Variants in HCLS1 observed in about 807,000 individuals in gnomAD.
HCLS1 encodes hematopoietic lineage cell-specific protein.
In HCLS1, 44 loss-of-function variants were observed where a neutral mutation model predicts 68.6. The ratio of observed to expected loss-of-function variants is 0.64; its 90% CI spans 0.50 to 0.82. The LOEUF (loss-of-function observed/expected upper bound fraction) is 0.82. Ranked by LOEUF, HCLS1 falls within the 40% of genes least tolerant of loss-of-function variation. The probability of loss-of-function intolerance (pLI) is 0.00; values close to 1 mark genes in which losing one functional copy is unlikely to be tolerated. For synonymous variants in HCLS1, 217 were observed against 225.8 expected, an observed-to-expected ratio of 0.96 and a Z score of 0.35; for missense variants, 602 against 612.1, an observed-to-expected ratio of 0.98 and a Z score of 0.17.
chr3:121,651,009 G>A (rs114950876), intron 3 of HCLS1, among the ~76,000 whole-genome samples: 3,734 of 152,160 alleles, frequency 0.025, 141 homozygotes, highest in African/African-American at 0.085. Context: ...GGTGGTGGGC[G>A]CCTGAGTCCC....
intron 3 of HCLS1, among the ~76,000 whole-genome samples, chr3:121,656,491 C>T (rs961410921): frequency 6.6e-6 from 1 of 152,184 alleles, no homozygotes; most frequent in Non-Finnish European, 1.5e-5. Flanking sequence ...GGGGATCTCT[C>T]AGCCTGAATG....
At chr3:121,635,181 ACTTT>A (rs2049137156) in intron 9 of HCLS1, among the ~76,000 whole-genome samples, 1 of 133,392 alleles carries the variant, frequency 7.5e-6, no homozygotes, top group African/African-American at 2.9e-5. Context: ...TATCCACTTG[ACTTT>A]CTCTCTTTCT....
Position 121,635,755 on chromosome 3 carries a change from T to G in HCLS1, c.671A>C (p.Lys224Thr). The G allele has an allele frequency of 6.2e-7, 1 of 1,614,082 alleles. No homozygotes were observed. The highest frequency in any genetic ancestry group is 8.5e-7 in the Non-Finnish European group (1 of 1,179,956). ...CTCACCGGCTTCTATGGGCGTCGTC[T>G]TCTTATAAGCTGTGGTCGGGGCCTC... is the stretch of plus-strand genomic sequence containing the variant. ...EMEAPTTAYK[K>T]TTPIEAASSG... Residue 224 changes from lysine to threonine, a missense_variant, in exon 9 of 14, where the codon AAG becomes ACG. Lys to Thr is a moderately conservative substitution (Grantham distance 78). Coordinates refer to ENST00000314583, the MANE Select transcript of HCLS1 (RefSeq NM_005335.6).
Position 121,631,985 on chromosome 3 carries a change from G to C in HCLS1, c.1325-3C>G. ...AAAGGAAAGCTCATCACTTCCCTCT[G>C]GGGAGAAAGTTGAGGGGATATTAGA... On this transcript the variant is annotated splice_region_variant and splice_polypyrimidine_tract_variant and intron_variant, in intron 13 of 13. Coordinates refer to ENST00000314583, the MANE Select transcript of HCLS1 (RefSeq NM_005335.6). The C allele has an allele frequency of 6.2e-7, 1 of 1,614,168 alleles. No individual in the cohort carries two copies.
intron 3 of HCLS1, chr3:121,656,769 AGCTGAAGTG>A (rs1937883104): frequency 6.6e-6 from 1 of 152,378 alleles, no homozygotes; most frequent in African/African-American, 2.4e-5. Flanking sequence ...CAGTTATGGG[AGCTGAAGTG>A]GCCTCTTTTT....
Position 121,637,232 on chromosome 3 carries a change from C to A in HCLS1, c.479G>T (p.Arg160Leu), listed in dbSNP as rs142478875. ...QKDYSRGFGG[R>L]YGVEKDKWDK... The stretch of plus-strand genomic sequence containing the variant: ...CCATTTATCCTTCTCCACCCCGTAC[C>A]GGCCACCAAAGCCACGAGAGTAATC... The change falls in exon 7 of 14, where the codon CGG becomes CTG. Residue 160 changes from arginine to leucine, a missense_variant. Arg to Leu is a moderately radical substitution (Grantham distance 102). Transcript: ENST00000314583. The A allele has an allele frequency of 6.2e-7, 1 of 1,613,408 alleles. No individual in the cohort carries two copies. The highest frequency in any genetic ancestry group is 8.5e-7 in the Non-Finnish European group (1 of 1,179,596).
rs559143446 is a variant in HCLS1, at chr3:121,634,764, T to A, written c.692-346A>T. Among the ~76,000 whole-genome samples, 195 of 152,242 alleles carry A rather than the reference T, an allele frequency of 1.3e-3. 1 individual carries two copies. Among genetic ancestry groups the A allele is most frequent in the South Asian group, 5.0e-3 (24 of 4,818 alleles). Reference sequence around the variant, plus strand: ...CTCCTACCTCAGCCTCTGGAGTAGTTGGGACCACAGATGTGCACCACCACA... The same window carrying A: ...CTCCTACCTCAGCCTCTGGAGTAGTAGGGACCACAGATGTGCACCACCACA... On this transcript the variant is annotated intron_variant, in intron 9 of 13. Coordinates refer to ENST00000314583, the MANE Select transcript of HCLS1 (RefSeq NM_005335.6).
intron 1 of HCLS1, among the ~76,000 whole-genome samples, chr3:121,659,572 C>T (rs1279868244): frequency 6.6e-6 from 1 of 152,152 alleles, no homozygotes; most frequent in Non-Finnish European, 1.5e-5. Context: ...AAAACCAGCC[C>T]AGGGGAAGTC....
intron 6 of HCLS1, among the ~76,000 whole-genome samples, chr3:121,640,256 G>C (rs1451547353): frequency 3.7e-4 from 56 of 151,400 alleles, no homozygotes; most frequent in Admixed American, 3.7e-3. Flanking sequence ...AATAATAAAG[G>C]AAAAAAAATG....
At chr3:121,646,984 TA>T (rs199784536) in intron 4 of HCLS1, among the ~76,000 whole-genome samples, 35 of 146,068 alleles carry the variant, frequency 2.4e-4, no homozygotes, top group South Asian at 6.4e-4. Flanking sequence ...TTATTTTATT[TA>T]TTTTTTTTTT....
In HCLS1 at chr3:121,632,128, C is replaced by T; in HGVS notation, c.1297G>A (p.Ala433Thr). 1.2e-6 allele frequency: 2 copies of T among 1,613,804 alleles called. No homozygotes were observed. The highest frequency in any genetic ancestry group is 1.7e-6 in the Non-Finnish European group (2 of 1,179,842). ...CCTTGGTAATCATATACAGCCACAG[C>T]TGAGATCCCCAGAGCCACAGCCCCA... The part of the protein sequence containing the change: ...GAGAVALGIS[A>T]VAVYDYQGEG... The change falls in exon 13 of 14, where the codon GCT (alanine) becomes ACT (threonine). Residue 433 changes from alanine (A) to threonine (T), a missense_variant. Ala to Thr is a moderately conservative substitution (Grantham distance 58). Transcript: ENST00000314583.
intron 11 of HCLS1, 73 bp from the exon 12 acceptor site, chr3:121,632,636 C>A: frequency 7.4e-7 from 1 of 1,351,690 alleles, no homozygotes. Context: ...GATAAGATCC[C>A]CCGCCCTTCA....
chr3:121,647,526 T>C (rs751425180), intron 3 of HCLS1, 78 bp from the exon 4 acceptor site: 1 of 1,509,018 alleles, frequency 6.6e-7, no homozygotes, highest in East Asian at 2.3e-5. Flanking sequence ...AATGGAAGCC[T>C]TGAAGTCTGT....
intron 4 of HCLS1, 42 bp downstream of exon 4, chr3:121,647,277 G>A (rs370544185): frequency 1.6e-5 from 26 of 1,608,850 alleles, no homozygotes; most frequent in South Asian, 7.7e-5. Context: ...CACCGCACCC[G>A]GCTTGTATTT....
At chr3:121,642,223 G>C (rs1212759175) in intron 6 of HCLS1, among the ~76,000 whole-genome samples, 1 of 151,160 alleles carries the variant, frequency 6.6e-6, no homozygotes, top group Non-Finnish European at 1.5e-5. Flanking sequence ...ACTTTGGGAG[G>C]CCGAGTCGGG....
rs1303675375 is a variant in HCLS1, at chr3:121,631,544, C to T, written c.*302G>A. The stretch of plus-strand genomic sequence containing the variant: ...AGACGTACTTTCCCGGGTAAACAAA[C>T]TGGGAAGCCCAGAGCTCACAGAGGA... On this transcript the variant is annotated 3_prime_UTR_variant, in exon 14 of 14. Coordinates refer to ENST00000314583, the MANE Select transcript of HCLS1 (RefSeq NM_005335.6). The T allele has an allele frequency of 6.2e-6, 2 of 323,790 alleles. No individual in the cohort carries two copies. Among genetic ancestry groups the T allele is most frequent in the East Asian group, 1.1e-4 (2 of 17,904 alleles). The allele number at this position is 323,790 out of a possible 1,614,324, so 20.1% of individuals were successfully genotyped here. A position where few individuals can be genotyped will look rare whatever the true frequency, so the allele number is the denominator to read the frequency against.
intron 3 of HCLS1, among the ~76,000 whole-genome samples, chr3:121,654,486 G>A (rs1937819631): frequency 6.6e-6 from 1 of 152,108 alleles, no homozygotes; most frequent in African/African-American, 2.4e-5. Flanking sequence ...GAGAATGAAT[G>A]GGCAAGAGTG....
intron 3 of HCLS1, 122 bp downstream of exon 3, chr3:121,657,157 C>T (rs931368687): frequency 5.2e-6 from 4 of 770,476 alleles, no homozygotes; most frequent in African/African-American, 1.7e-5. Context: ...AAAACAAACA[C>T]AATAATACAT....
intron 4 of HCLS1, among the ~76,000 whole-genome samples, chr3:121,645,894 AAT>A (rs1378903436): frequency 1.4e-5 from 2 of 144,184 alleles, no homozygotes; most frequent in South Asian, 2.1e-4. Flanking sequence ...TTATAATATA[AAT>A]ATGTTATATC....
Sources: allele counts gnomAD v4.1 joint callset (sites outside exome capture counted in the v4.1 genomes callset), GRCh38; gene constraint gnomAD v4.1.1; transcripts MANE v1.5; gene names NCBI Gene and HGNC (gene_info 2026-07-23, HGNC 2026-07-21).